LINC02747: variants seen among roughly 807,000 people sequenced by gnomAD.
LINC02747 encodes the protein long independently transcribed non-coding RNA 2747.
At chr11:69,478,300 C>T (rs1857014797) in intron 1 of LINC02747, among the ~76,000 whole-genome samples, 1 of 152,084 alleles carries the variant, frequency 6.6e-6, no homozygotes, top group Non-Finnish European at 1.5e-5. Context: ...CTGCTTGGTC[C>T]TCCGTCCTGC....
At chr11:69,481,050 C>T (rs1857043744) in intron 1 of LINC02747, among the ~76,000 whole-genome samples, 1 of 152,194 alleles carries the variant, frequency 6.6e-6, no homozygotes, top group African/African-American at 2.4e-5. Flanking sequence ...TGAGGTGGGG[C>T]TGTGCTGGCA....
chr11:69,477,159 T>C (rs1178132996), exon 2 of LINC02747: 1 of 152,172 alleles, frequency 6.6e-6, no homozygotes, highest in Non-Finnish European at 1.5e-5. Context: ...TGTGGGAAAG[T>C]GAGGCTCCGA....
intron 1 of LINC02747, among the ~76,000 whole-genome samples, chr11:69,478,528 A>C (rs1449859448): frequency 6.6e-6 from 1 of 152,196 alleles, no homozygotes; most frequent in South Asian, 2.1e-4. Flanking sequence ...TTAATATTTC[A>C]CAAAGGAATA....
intron 1 of LINC02747, among the ~76,000 whole-genome samples, chr11:69,479,280 G>C (rs866407846): frequency 1.4e-5 from 2 of 144,742 alleles, no homozygotes; most frequent in South Asian, 4.4e-4. Flanking sequence ...AAAAAAAAGA[G>C]AGAGAGAGAG....
At chr11:69,480,139 G>A (rs1857034980) in intron 1 of LINC02747, among the ~76,000 whole-genome samples, 2 of 152,186 alleles carry the variant, frequency 1.3e-5, no homozygotes, top group Non-Finnish European at 2.9e-5. Context: ...ACAGCCCTGG[G>A]CACCAAGACA....
At chr11:69,479,595 T>TTGCCTGGC (rs1181070964) in intron 1 of LINC02747, 6 of 152,262 alleles carry the variant, frequency 3.9e-5, no homozygotes, top group Admixed American at 3.9e-4. Context: ...CCTCTCCTCC[T>TTGCCTGGC]TGCCTGGCTG....
intron 1 of LINC02747, among the ~76,000 whole-genome samples, chr11:69,480,254 G>A (rs1857036843): frequency 6.6e-6 from 1 of 152,208 alleles, no homozygotes; most frequent in Non-Finnish European, 1.5e-5. Flanking sequence ...CCAGCAGCCG[G>A]TTCCCAACAC....
chr11:69,478,047 G>T (rs1477354370), intron 1 of LINC02747, among the ~76,000 whole-genome samples: 1 of 152,160 alleles, frequency 6.6e-6, no homozygotes, highest in African/African-American at 2.4e-5. Context: ...GACAAAATGG[G>T]TGCAAGTTCT....
At chr11:69,476,662 T>G (rs976596908) in exon 2 of LINC02747, 1 of 151,986 alleles carries the variant, frequency 6.6e-6, no homozygotes, top group African/African-American at 2.4e-5. Flanking sequence ...GCCTGTCAGA[T>G]TGGGTCACCC....
chr11:69,478,376 C>T (rs1484840154), intron 1 of LINC02747, among the ~76,000 whole-genome samples: 2 of 152,050 alleles, frequency 1.3e-5, no homozygotes, highest in African/African-American at 4.8e-5. Flanking sequence ...TGCACCCCCG[C>T]CTCCACCCCT....
At chr11:69,478,140 C>T (rs1857013225) in intron 1 of LINC02747, among the ~76,000 whole-genome samples, 1 of 152,174 alleles carries the variant, frequency 6.6e-6, no homozygotes, top group African/African-American at 2.4e-5. Flanking sequence ...AGAAAACAGA[C>T]CGGGGGTGAG....
rs148405804 is a variant in LINC02747 at position 69,481,115 on chromosome 11, C to T, written n.120+311G>A. 4.7e-3 allele frequency among the ~76,000 whole-genome samples: 714 copies of T among 152,356 alleles called. 7 individuals carry two copies. Among genetic ancestry groups the T allele is most frequent in the African/African-American group, 0.016 (665 of 41,592 alleles). Reference sequence around the variant, plus strand: ...ACAGCTACAAGCCCAGGACCAGCTTCCCTCCTTCCGTCAGAGCAGCCACTG... The same window carrying T: ...ACAGCTACAAGCCCAGGACCAGCTTTCCTCCTTCCGTCAGAGCAGCCACTG... On this transcript the variant is annotated intron_variant and non_coding_transcript_variant, in intron 1 of 1. Coordinates refer to ENST00000645449, the Ensembl canonical transcript of LINC02747.
chr11:69,477,026 G>A (rs1857002583), exon 2 of LINC02747: 1 of 152,274 alleles, frequency 6.6e-6, no homozygotes, highest in Admixed American at 6.5e-5. Flanking sequence ...ATCCCTCTGA[G>A]TACCTGCTGG....
At chr11:69,476,110 A>T (rs992668569) in exon 2 of LINC02747, 2 of 149,730 alleles carry the variant, frequency 1.3e-5, no homozygotes, top group Non-Finnish European at 2.9e-5. Flanking sequence ...GAACATGGGG[A>T]TCGGGGCCTG....
intron 1 of LINC02747, among the ~76,000 whole-genome samples, chr11:69,480,966 C>A (rs538886135): frequency 6.6e-6 from 1 of 152,314 alleles, no homozygotes; most frequent in East Asian, 1.9e-4. Flanking sequence ...AGGGACAGAG[C>A]CAGGCCTGAG....
chr11:69,477,839 A>T (rs1267511268), intron 1 of LINC02747, among the ~76,000 whole-genome samples: 1 of 152,130 alleles, frequency 6.6e-6, no homozygotes, highest in East Asian at 1.9e-4. Context: ...CAGGGCAGCT[A>T]CGAGATTCGT....
exon 2 of LINC02747, chr11:69,476,647 C>G (rs979627808): frequency 1.3e-5 from 2 of 152,120 alleles, no homozygotes; most frequent in Admixed American, 1.3e-4. Flanking sequence ...TACAGGGGGT[C>G]GTGGGCCTGT....
chr11:69,478,312 G>C (rs1194177045), intron 1 of LINC02747, among the ~76,000 whole-genome samples: 2 of 152,112 alleles, frequency 1.3e-5, no homozygotes, highest in Non-Finnish European at 2.9e-5. Flanking sequence ...CCGTCCTGCT[G>C]ACTCCCTGCA....
intron 1 of LINC02747, among the ~76,000 whole-genome samples, chr11:69,478,370 C>T (rs905061281): frequency 6.6e-6 from 1 of 152,014 alleles, no homozygotes; most frequent in Non-Finnish European, 1.5e-5. Context: ...AGGACTTGCA[C>T]CCCCGCCTCC....
Sources: allele counts gnomAD v4.1 joint callset (sites outside exome capture counted in the v4.1 genomes callset), GRCh38; gene constraint gnomAD v4.1.1; transcripts MANE v1.5; gene names NCBI Gene and HGNC (gene_info 2026-07-23, HGNC 2026-07-21).